PPP1R12B: variants seen among roughly 807,000 people sequenced by gnomAD.
The protein encoded by PPP1R12B is myosin phosphatase target subunit 2.
Under a neutral mutation model 126.1 loss-of-function variants are expected in PPP1R12B, and 76 were observed. That is an observed-to-expected ratio of 0.60 (90% CI 0.50 to 0.73). The LOEUF (loss-of-function observed/expected upper bound fraction) is 0.73, where lower values mean the gene tolerates loss of function less well. Ranked by LOEUF, PPP1R12B falls within the 30% of genes least tolerant of loss-of-function variation. The pLI, the probability that PPP1R12B is intolerant of heterozygous loss-of-function variation, is 0.00. For missense variants in PPP1R12B, 1,052 were observed against 1,205.1 expected (o/e 0.87, Z 1.88); for synonymous variants, 356 against 434.7 (o/e 0.82, Z 2.25).
intron 18 of PPP1R12B, among the ~76,000 whole-genome samples, chr1:202,555,325 GA>G (rs56752885): frequency 0.13 from 3,285 of 25,000 alleles, 26 homozygotes; most frequent in African/African-American, 0.15. Context: ...CTGTTTTAAT[GA>G]AAAAAAAAAA....
chr1:202,431,538 A>G lies in PPP1R12B; in HGVS notation c.1060A>G (p.Asn354Asp). Residue 354 changes from asparagine to aspartate, a missense_variant, in exon 8 of 24, where the codon AAT (asparagine) becomes GAT (aspartate). By Grantham distance (23) the Asn-to-Asp change is conservative. Coordinates refer to ENST00000608999, the MANE Select transcript of PPP1R12B (RefSeq NM_002481.4). The part of the protein sequence containing the change: ...TPKSQEMEEE[N>D]KESSSSSSEE... Reference sequence around the variant, plus strand: ...TAAGTCCCAAGAAATGGAGGAAGAAAATAAAGAATCTAGTAGCTCCAGCTC... The same window carrying G: ...TAAGTCCCAAGAAATGGAGGAAGAAGATAAAGAATCTAGTAGCTCCAGCTC... The G allele has an allele frequency of 6.2e-7, 1 of 1,613,642 alleles. No homozygotes were observed. Among genetic ancestry groups the G allele is most frequent in the Admixed American group, 1.7e-5 (1 of 59,918 alleles).
chr1:202,419,059 G>T lies in PPP1R12B; in HGVS notation c.422+2142G>T, dbSNP rs1397321595. On this transcript the variant is annotated intron_variant, in intron 2 of 23. Coordinates refer to ENST00000608999, the MANE Select transcript of PPP1R12B (RefSeq NM_002481.4). This position sits in a 1 kb window ranked among gnomAD's most constrained non-coding sequence, Gnocchi z 4.6. ...AGTACATTCTATTTCATGTTTCATG[G>T]TGATCTTTTTGTCTCAGTATGTTGC... is the stretch of plus-strand genomic sequence containing the variant. 6.6e-6 allele frequency among the ~76,000 whole-genome samples: 1 copy of T among 152,074 alleles called. No homozygotes were observed. Among genetic ancestry groups the T allele is most frequent in the African/African-American group, 2.4e-5 (1 of 41,420 alleles).
chr1:202,438,382 G>A (rs539048910), intron 10 of PPP1R12B: 24 of 708,984 alleles, frequency 3.4e-5, no homozygotes, highest in Admixed American at 2.1e-4. Flanking sequence ...GCCAATTCCC[G>A]TCCCCCCAGC....
intron 1 of PPP1R12B, chr1:202,409,974 C>T (rs1381950086): frequency 6.6e-6 from 1 of 152,084 alleles, no homozygotes; most frequent in Non-Finnish European, 1.5e-5. Context: ...CTTTTTTGCC[C>T]ATTTTTGAAT....
chr1:202,555,353 A>AAAAAAAAG (rs1553320335), intron 18 of PPP1R12B, among the ~76,000 whole-genome samples: 2 of 121,584 alleles, frequency 1.6e-5, no homozygotes, highest in African/African-American at 5.9e-5. Context: ...AAAAAAAAAA[A>AAAAAAAAG]GCTTGTTTCG....
intron 21 of PPP1R12B, chr1:202,567,510 T>G: frequency 2.2e-6 from 1 of 445,772 alleles, no homozygotes; most frequent in Non-Finnish European, 4.0e-6. Context: ...AGAGAGAGAT[T>G]GTGTGTTGTA....
At chr1:202,362,277 T>G (rs963619844) in intron 1 of PPP1R12B, among the ~76,000 whole-genome samples, 1 of 152,214 alleles carries the variant, frequency 6.6e-6, no homozygotes, top group African/African-American at 2.4e-5. Flanking sequence ...AAATTGTTCC[T>G]CCTTGACAGT....
At chr1:202,537,349 G>A (rs765510116) in intron 18 of PPP1R12B, among the ~76,000 whole-genome samples, 2 of 148,856 alleles carry the variant, frequency 1.3e-5, no homozygotes, top group South Asian at 2.1e-4. Context: ...CTGAGACTCC[G>A]TCTCAAAAAA....
chr1:202,440,662 C>A, intron 10 of PPP1R12B, 44 bp from the exon 11 acceptor site: 1 of 1,402,844 alleles, frequency 7.1e-7, no homozygotes. Flanking sequence ...TATGCTGTGC[C>A]AGTATTGTAC....
At chr1:202,522,877 T>C (rs1432495990) in intron 18 of PPP1R12B, among the ~76,000 whole-genome samples, 1 of 152,176 alleles carries the variant, frequency 6.6e-6, no homozygotes, top group Non-Finnish European at 1.5e-5. Context: ...TGACTCTAGA[T>C]ACTGAAAATA....
At chr1:202,525,034 A>G (rs767253464) in intron 18 of PPP1R12B, among the ~76,000 whole-genome samples, 6 of 152,078 alleles carry the variant, frequency 3.9e-5, no homozygotes, top group Non-Finnish European at 8.8e-5. Context: ...GTCCGCCACC[A>G]CACCCGGCTA....
At position 202,419,920 on chromosome 1, in the gene PPP1R12B, T is replaced by C. The variant is rs1228852028; in HGVS notation, c.423-2700T>C. 1.3e-5 allele frequency among the ~76,000 whole-genome samples: 2 copies of C among 152,212 alleles called. No homozygotes were observed. The highest frequency in any genetic ancestry group is 1.3e-4 in the Admixed American group (2 of 15,278). ...CAATACTTAAAAGGGAAAAGCAGCA[T>C]GGTCACATTCCTGAATTCACATGTT... is the stretch of plus-strand genomic sequence containing the variant. On this transcript the variant is annotated intron_variant, in intron 2 of 23. Transcript: ENST00000608999. This position sits in a 1 kb window ranked among gnomAD's most constrained non-coding sequence, Gnocchi z 4.6.
rs963715350 is a variant in PPP1R12B, at chr1:202,588,528, C to A, written c.*7968C>A. On this transcript the variant is annotated 3_prime_UTR_variant, in exon 24 of 24. Coordinates refer to ENST00000608999, the MANE Select transcript of PPP1R12B (RefSeq NM_002481.4). The stretch of plus-strand genomic sequence containing the variant: ...TTCTATATGATGCCTGTAAACACAA[C>A]AGTATTTATAAATGAGTAAATAAAA... 6.6e-6 allele frequency: 1 copy of A among 152,558 alleles called. No homozygotes were observed. 9.5% of individuals were successfully genotyped at this position (152,558 alleles called of 1,614,324 possible).
At chr1:202,417,339 C>T (rs1289849538) in intron 2 of PPP1R12B, 2 of 984,966 alleles carry the variant, frequency 2.0e-6, no homozygotes, top group African/African-American at 1.7e-5. Context: ...CCTAGCATAC[C>T]AGTCACAGCA....
chr1:202,390,209 A>G (rs79513216), intron 1 of PPP1R12B, among the ~76,000 whole-genome samples: 1 of 151,928 alleles, frequency 6.6e-6, no homozygotes, highest in South Asian at 2.1e-4. Flanking sequence ...CAAATGGTAC[A>G]GGGGGCAGCT....
In PPP1R12B at chr1:202,498,035, A is replaced by G. The variant is rs150080187; in HGVS notation, c.2490+1213A>G. Among the ~76,000 whole-genome samples the G allele has an allele frequency of 2.5e-4, 38 of 152,280 alleles. No homozygotes were observed. The East Asian group carries it at 6.4e-3, about 25-fold the overall frequency. Reference sequence around the variant, plus strand: ...GGCCATTTAAATCCAGGGAATTGCAAAAGGGAAGGCTTTGTTGTCATAAGA... The same window carrying G: ...GGCCATTTAAATCCAGGGAATTGCAGAAGGGAAGGCTTTGTTGTCATAAGA... On this transcript the variant is annotated intron_variant, in intron 18 of 23. Coordinates refer to ENST00000608999, the MANE Select transcript of PPP1R12B (RefSeq NM_002481.4).
chr1:202,462,122 A>T (rs1378039883), intron 13 of PPP1R12B, among the ~76,000 whole-genome samples: 1 of 152,152 alleles, frequency 6.6e-6, no homozygotes, highest in Non-Finnish European at 1.5e-5. Context: ...CATAAATCTG[A>T]ATATACTAAA....
intron 1 of PPP1R12B, among the ~76,000 whole-genome samples, chr1:202,415,004 C>A (rs1413586374): frequency 2.0e-5 from 3 of 152,026 alleles, no homozygotes; most frequent in Non-Finnish European, 4.4e-5. Flanking sequence ...GTCTTGAACT[C>A]CTGGGCTCAA....
chr1:202,557,602 G>GTC (rs1294423761), intron 18 of PPP1R12B, among the ~76,000 whole-genome samples: 1 of 152,116 alleles, frequency 6.6e-6, no homozygotes, highest in Non-Finnish European at 1.5e-5. Context: ...CCTTCGTTTA[G>GTC]TCCAGCGGTA....
Sources: gnomAD v4.1 joint callset for allele counts (sites outside exome capture counted in the v4.1 genomes callset) on GRCh38, gnomAD v4.1.1 for gene constraint, Gnocchi (gnomAD v3.1) non-coding constraint, MANE v1.5 for transcripts, NCBI Gene and HGNC (gene_info 2026-07-23, HGNC 2026-07-21) for gene names.